The following CELF4 variants were observed in gnomAD, a reference collection of about 807,000 sequenced individuals.
CELF4 encodes CUG-BP- and ETR-3-like factor 4.
Under a neutral mutation model 59.9 loss-of-function variants are expected in CELF4, and 18 were observed. The observed-to-expected ratio is 0.30, with a 90% CI of 0.21 to 0.45. The LOEUF (loss-of-function observed/expected upper bound fraction) is 0.45, where lower values mean the gene tolerates loss of function less well. Among genes scored for constraint, CELF4 ranks in the 20% least tolerant of loss-of-function variants. The pLI is 1.00. For synonymous variants in CELF4, 261 were observed against 267.1 expected, an observed-to-expected ratio of 0.98 and a Z score of 0.22; for missense variants, 456 against 689.0, an observed-to-expected ratio of 0.66 and a Z score of 3.79.
intron 2 of CELF4, among the ~76,000 whole-genome samples, chr18:37,438,330 A>G (rs2099700128): frequency 6.6e-6 from 1 of 152,142 alleles, no homozygotes; most frequent in South Asian, 2.1e-4. Flanking sequence ...AAATGGACCG[A>G]GTATCCATGG....
rs1555649175 is a variant in CELF4, at chr18:37,550,085, G to GGGT, written c.286+15270_286+15271insACC. 2.2e-3 allele frequency among the ~76,000 whole-genome samples: 233 copies of GGGT among 104,542 alleles called. 3 individuals are homozygous for GGGT. The highest frequency in any genetic ancestry group is 0.014 in the African/African-American group (209 of 15,236). 68.6% of individuals were successfully genotyped at this position (104,542 alleles called of 152,430 possible). ...AACTGGCAATGTGGTCCAATGGGTGGGGGGGGGGGATCCGTGGGAAGAAAG... is the reference window on the plus strand; with the variant it reads ...AACTGGCAATGTGGTCCAATGGGTGGGGTGGGGGGGGGATCCGTGGGAAGAAAG... On this transcript the variant is annotated intron_variant, in intron 1 of 12. Coordinates refer to ENST00000420428, the MANE Select transcript of CELF4 (RefSeq NM_020180.4).
At chr18:37,507,418 A>C (rs185777203) in intron 1 of CELF4, among the ~76,000 whole-genome samples, 1 of 152,124 alleles carries the variant, frequency 6.6e-6, no homozygotes, top group Non-Finnish European at 1.5e-5. Context: ...TGGTCTGATA[A>C]CCTCCTAATT....
rs145718249 is a variant in CELF4, at chr18:37,253,217, C to G, written c.*44+550G>C. Among the ~76,000 whole-genome samples the G allele has an allele frequency of 6.6e-6, 1 of 152,156 alleles. No individual in the cohort carries two copies. The highest frequency in any genetic ancestry group is 2.1e-4 in the South Asian group (1 of 4,806). On this transcript the variant is annotated intron_variant, in intron 12 of 12. Coordinates refer to ENST00000420428, the MANE Select transcript of CELF4 (RefSeq NM_020180.4). The surrounding 1 kb of genome is among the most constrained non-coding windows in gnomAD (Gnocchi z 4.5). ...CCTCCTCAGCTTTCATCCCATCCTG[C>G]TTTGTTTCTTAGTAAAGTTCCCTTT...
chr18:37,515,528 C>CA (rs951164786), intron 1 of CELF4, among the ~76,000 whole-genome samples: 102 of 152,334 alleles, frequency 6.7e-4, no homozygotes, highest in African/African-American at 2.3e-3. Context: ...GCAATGGTCA[C>CA]ACTCTGCTTT....
chr18:37,337,640 C>T (rs923790931), intron 2 of CELF4, among the ~76,000 whole-genome samples: 5 of 152,340 alleles, frequency 3.3e-5, no homozygotes, highest in East Asian at 3.9e-4. Flanking sequence ...CAGATGGCAG[C>T]GTCCTCTGCC....
intron 12 of CELF4, among the ~76,000 whole-genome samples, chr18:37,248,653 G>A (rs1359912730): frequency 6.6e-6 from 1 of 152,158 alleles, no homozygotes; most frequent in African/African-American, 2.4e-5. Context: ...TTCTTTCCTG[G>A]TGGAGCCCTA....
chr18:37,287,326 C>A (rs1352189411), intron 3 of CELF4, among the ~76,000 whole-genome samples: 1 of 152,232 alleles, frequency 6.6e-6, no homozygotes, highest in Non-Finnish European at 1.5e-5. Flanking sequence ...GGATAGAGCC[C>A]TTCAGACTGC....
In CELF4 at chr18:37,251,766, T is replaced by C. The variant is rs201019964; in HGVS notation, c.*44+2001A>G. Reference sequence around the variant, plus strand: ...TCTGCAAGCTGCCTCCTGGTGTCTGTGTGTGCACAGAGCCAGAAGCTCCTC... The same window carrying C: ...TCTGCAAGCTGCCTCCTGGTGTCTGCGTGTGCACAGAGCCAGAAGCTCCTC... On this transcript the variant is annotated intron_variant, in intron 12 of 12. Coordinates refer to ENST00000420428, the MANE Select transcript of CELF4 (RefSeq NM_020180.4). Among the ~76,000 whole-genome samples, 27 of 152,320 alleles carry C rather than the reference T, an allele frequency of 1.8e-4. 1 individual carries two copies. The East Asian group carries it at 5.2e-3, about 29-fold the overall frequency.
At chr18:37,500,378 A>G (rs989465039) in intron 1 of CELF4, among the ~76,000 whole-genome samples, 1 of 152,094 alleles carries the variant, frequency 6.6e-6, no homozygotes, top group African/African-American at 2.4e-5. Flanking sequence ...GTGGAGACCC[A>G]GACCCAGGCT....
At chr18:37,259,396 A>G in intron 10 of CELF4, 132 bp from the exon 11 acceptor site, 1 of 560,476 alleles carries the variant, frequency 1.8e-6, no homozygotes, top group South Asian at 2.0e-5. Flanking sequence ...GGGGAGTCTC[A>G]TTCCAGATCC....
intron 2 of CELF4, among the ~76,000 whole-genome samples, chr18:37,446,145 G>C (rs763698951): frequency 1.3e-5 from 2 of 152,320 alleles, no homozygotes; most frequent in South Asian, 4.1e-4. Flanking sequence ...GCGGACTAAC[G>C]TGGGTGGTGG....
At chr18:37,553,674 T>C (rs2099983920) in intron 1 of CELF4, among the ~76,000 whole-genome samples, 1 of 152,230 alleles carries the variant, frequency 6.6e-6, no homozygotes, top group Non-Finnish European at 1.5e-5. Flanking sequence ...CCTGTTTTGC[T>C]GGTGTCCCAG....
At chr18:37,325,715 A>G (rs1360953709) in intron 2 of CELF4, among the ~76,000 whole-genome samples, 2 of 152,228 alleles carry the variant, frequency 1.3e-5, no homozygotes, top group Non-Finnish European at 2.9e-5. Flanking sequence ...CCAGCCTCCC[A>G]GCTGCCTTCA....
chr18:37,443,908 T>TA (rs1713104060), intron 2 of CELF4, among the ~76,000 whole-genome samples: 1 of 152,326 alleles, frequency 6.6e-6, no homozygotes, highest in Admixed American at 6.5e-5. Flanking sequence ...TGTCAAGCTC[T>TA]AAAATAGATG....
chr18:37,245,947 TTTAA>T lies in CELF4; in HGVS notation c.*45-754_*45-751del, dbSNP rs1568676161. Among the ~76,000 whole-genome samples, 1 of 152,160 alleles carries T rather than the reference TTTAA, an allele frequency of 6.6e-6. No individual in the cohort carries two copies. On this transcript the variant is annotated intron_variant, in intron 12 of 12. Transcript: ENST00000420428. This position sits in a 1 kb window ranked among gnomAD's most constrained non-coding sequence, Gnocchi z 4.1. ...AAAACCTAAAAAAGGTCAGAAGAGA[TTTAA>T]TTATCAAACTTAAATAAATTAACTC...
At chr18:37,372,401 T>G (rs545354062) in intron 2 of CELF4, among the ~76,000 whole-genome samples, 2 of 152,322 alleles carry the variant, frequency 1.3e-5, no homozygotes, top group African/African-American at 4.8e-5. Context: ...AAACACCGTA[T>G]GTTCTCACTC....
At chr18:37,366,702 T>C (rs1308014367) in intron 2 of CELF4, among the ~76,000 whole-genome samples, 7 of 152,166 alleles carry the variant, frequency 4.6e-5, no homozygotes, top group Non-Finnish European at 1.0e-4. Flanking sequence ...GCCACTATCA[T>C]TGGAAGACAA....
intron 1 of CELF4, among the ~76,000 whole-genome samples, chr18:37,564,248 A>G (rs961559263): frequency 2.0e-5 from 3 of 152,196 alleles, no homozygotes; most frequent in Non-Finnish European, 2.9e-5. Context: ...ACATAGATCC[A>G]GCACCGATTC....
At chr18:37,357,479 T>C (rs1056746160) in intron 2 of CELF4, among the ~76,000 whole-genome samples, 3 of 152,168 alleles carry the variant, frequency 2.0e-5, no homozygotes, top group African/African-American at 7.2e-5. Context: ...AGGCGGAAGT[T>C]TGCTGTAGGG....
Sources: gnomAD v4.1 joint callset for allele counts (sites outside exome capture counted in the v4.1 genomes callset) on GRCh38, gnomAD v4.1.1 for gene constraint, Gnocchi (gnomAD v3.1) non-coding constraint, MANE v1.5 for transcripts, NCBI Gene and HGNC (gene_info 2026-07-23, HGNC 2026-07-21) for gene names.